LUC7L2: variants seen among roughly 807,000 people sequenced by gnomAD.
LUC7L2 encodes putative RNA-binding protein Luc7-like 2.
In LUC7L2, 25 loss-of-function variants were observed where a neutral mutation model predicts 52.8. That is an observed-to-expected ratio of 0.47 (90% CI 0.34 to 0.66). The LOEUF is 0.66. Ranked by LOEUF, LUC7L2 falls within the 30% of genes least tolerant of loss-of-function variation. The pLI, the probability that LUC7L2 is intolerant of heterozygous loss-of-function variation, is 0.01. For missense variants in LUC7L2, 328 were observed against 497.8 expected, an observed-to-expected ratio of 0.66 and a Z score of 3.25; for synonymous variants, 144 against 160.9, an observed-to-expected ratio of 0.89 and a Z score of 0.80.
At chr7:139,374,097 C>G (rs1800591021) in intron 1 of LUC7L2, among the ~76,000 whole-genome samples, 1 of 152,080 alleles carries the variant, frequency 6.6e-6, no homozygotes, top group Non-Finnish European at 1.5e-5. Context: ...GCTTGAGGTC[C>G]TCACCAAAGT....
intron 1 of LUC7L2, 84 bp downstream of exon 1, chr7:139,360,406 C>G: frequency 7.5e-7 from 1 of 1,334,902 alleles, no homozygotes; most frequent in South Asian, 1.3e-5. Context: ...CCTGGGCGCG[C>G]GCGTGTGGCT....
At chr7:139,341,429 G>A (rs1167881274) in intron 1 of LUC7L2, 1 of 1,613,402 alleles carries the variant, frequency 6.2e-7, no homozygotes, top group Non-Finnish European at 8.5e-7. Context: ...GAGGACTTCT[G>A]CGGGAGTTGC....
intron 1 of LUC7L2, among the ~76,000 whole-genome samples, chr7:139,367,725 G>A (rs1338905979): frequency 6.6e-6 from 1 of 152,186 alleles, no homozygotes; most frequent in African/African-American, 2.4e-5. Context: ...ACAAGCCTGT[G>A]AGACAGAGAG....
chr7:139,391,602 T>TG (rs904701725), intron 2 of LUC7L2, among the ~76,000 whole-genome samples: 7 of 152,070 alleles, frequency 4.6e-5, no homozygotes, highest in South Asian at 2.1e-4. Context: ...TTTTTTTTGG[T>TG]GGGGGGGACA....
At chr7:139,372,229 G>T (rs1017064545) in intron 1 of LUC7L2, among the ~76,000 whole-genome samples, 4 of 135,828 alleles carry the variant, frequency 2.9e-5, no homozygotes, top group African/African-American at 1.0e-4. Flanking sequence ...CCTGATCTCT[G>T]TTCCATTATT....
chr7:139,386,550 G>A (rs1314724648), intron 2 of LUC7L2, among the ~76,000 whole-genome samples: 3 of 151,030 alleles, frequency 2.0e-5, no homozygotes, highest in African/African-American at 7.3e-5. Context: ...GACTACAGGC[G>A]CCTGCCACCA....
In LUC7L2 at chr7:139,422,143, C is replaced by T; in HGVS notation, c.1002-20C>T. On this transcript the variant is annotated intron_variant, in intron 9 of 9. Coordinates refer to ENST00000354926, the MANE Select transcript of LUC7L2 (RefSeq NM_016019.5). The stretch of plus-strand genomic sequence containing the variant: ...TTGGGTTTCCCAACATATTTTGCTC[C>T]TCAAATTAATATTTTTCAGATCCTC... 3.2e-6 allele frequency: 5 copies of T among 1,580,562 alleles called. No individual in the cohort carries two copies. The highest frequency in any genetic ancestry group is 3.4e-6 in the Non-Finnish European group (4 of 1,168,340).
intron 9 of LUC7L2, among the ~76,000 whole-genome samples, chr7:139,419,088 T>TG (rs1275544603): frequency 2.7e-5 from 4 of 150,242 alleles, no homozygotes; most frequent in African/African-American, 9.8e-5. Flanking sequence ...CCAGCCTGGG[T>TG]GACAGAGCGA....
Position 139,422,311 on chromosome 7 carries a change from T to C in LUC7L2, c.1150T>C (p.Ser384Pro). ...ANGRSEDRRSSEEREAGEI is the reference protein window; with the variant it reads ...ANGRSEDRRSPEEREAGEI ...TGGCAGATCAGAAGACAGGAGGAGC[T>C]CTGAAGAGCGCGAAGCAGGGGAGAT... The change falls in exon 10 of 10, where the codon TCT (serine) becomes CCT (proline). Residue 384 changes from serine (S) to proline (P), a missense_variant. Ser to Pro is a moderately conservative substitution (Grantham distance 74). Transcript: ENST00000354926. 1.9e-6 allele frequency: 3 copies of C among 1,613,388 alleles called. No individual in the cohort carries two copies. The highest frequency in any genetic ancestry group is 2.5e-6 in the Non-Finnish European group (3 of 1,179,844).
chr7:139,398,767 C>G, intron 3 of LUC7L2, 70 bp downstream of exon 3: 1 of 1,421,210 alleles, frequency 7.0e-7, no homozygotes, highest in African/African-American at 1.4e-5. Flanking sequence ...GGATTAAGAT[C>G]TCTTAATAGG....
chr7:139,345,165 T>G (rs1799212008), intron 1 of LUC7L2, among the ~76,000 whole-genome samples: 1 of 152,144 alleles, frequency 6.6e-6, no homozygotes, highest in African/African-American at 2.4e-5. Flanking sequence ...TAATTATAAT[T>G]TCCATATCTA....
intron 1 of LUC7L2, 89 bp from the exon 2 acceptor site, chr7:139,375,973 C>T (rs1028363996): frequency 6.0e-6 from 8 of 1,341,414 alleles, no homozygotes; most frequent in Non-Finnish European, 8.4e-6. Flanking sequence ...TGTATATAGC[C>T]ACACATAAAA....
chr7:139,399,008 A>G (rs1369172935), intron 3 of LUC7L2, among the ~76,000 whole-genome samples: 1 of 152,172 alleles, frequency 6.6e-6, no homozygotes, highest in Non-Finnish European at 1.5e-5. Context: ...TATAGTGTAT[A>G]TAAGGACCTA....
rs151299251 is a variant in LUC7L2 at position 139,414,290 on chromosome 7, C to T, written c.809+1710C>T. On this transcript the variant is annotated intron_variant, in intron 8 of 9. Transcript: ENST00000354926. The stretch of plus-strand genomic sequence containing the variant: ...TTACCAAAGCTTTTACATAGGGTGA[C>T]GGTGTGGCCTGGGGTGTCCAATCTT... Among the ~76,000 whole-genome samples, 52 of 152,320 alleles carry T rather than the reference C, an allele frequency of 3.4e-4. No homozygotes were observed. The East Asian group carries it at 9.6e-3, about 28-fold the overall frequency.
intron 1 of LUC7L2, chr7:139,371,359 A>G (rs1254362075): frequency 7.5e-6 from 6 of 804,826 alleles, no homozygotes; most frequent in East Asian, 5.3e-5. Context: ...TGAAATTACA[A>G]TACTAAACTC....
chr7:139,396,039 A>G (rs1394935983), intron 2 of LUC7L2, among the ~76,000 whole-genome samples: 2 of 152,196 alleles, frequency 1.3e-5, no homozygotes, highest in Non-Finnish European at 2.9e-5. Flanking sequence ...TATTTCCTTA[A>G]TATCCTAATA....
chr7:139,388,142 A>G (rs1794287863), intron 2 of LUC7L2, among the ~76,000 whole-genome samples: 1 of 152,142 alleles, frequency 6.6e-6, no homozygotes, highest in Admixed American at 6.5e-5. Context: ...CTATTGAAAA[A>G]AAATTTATCT....
At chr7:139,381,153 T>TA (rs927727662) in intron 2 of LUC7L2, among the ~76,000 whole-genome samples, 82 of 149,864 alleles carry the variant, frequency 5.5e-4, no homozygotes, top group Middle Eastern at 3.5e-3. Context: ...AATGTCTCAA[T>TA]AAAAAAAAAC....
In LUC7L2 at chr7:139,386,643, T is replaced by C. The variant is rs532377851; in HGVS notation, c.156+10487T>C. Among the ~76,000 whole-genome samples, 4 of 151,874 alleles carry C rather than the reference T, an allele frequency of 2.6e-5. No homozygotes were observed. The South Asian group carries it at 8.3e-4, about 31-fold the overall frequency. On this transcript the variant is annotated intron_variant, in intron 2 of 9. Coordinates refer to ENST00000354926, the MANE Select transcript of LUC7L2 (RefSeq NM_016019.5). The stretch of plus-strand genomic sequence containing the variant: ...GGATGGTCTCGATCTCCTGACCTCA[T>C]GATCTGCCCACCTCGGCCTCCCAAA...
Sources: allele counts gnomAD v4.1 joint callset (sites outside exome capture counted in the v4.1 genomes callset), GRCh38; gene constraint gnomAD v4.1.1; transcripts MANE v1.5; gene names NCBI Gene and HGNC (gene_info 2026-07-23, HGNC 2026-07-21).